The following CD163L1 variants were observed in gnomAD, a reference collection of about 807,000 sequenced individuals.
The protein encoded by CD163L1 is scavenger receptor cysteine-rich type 1 protein M160.
CD163L1 carries 124 observed loss-of-function variants against 165.4 expected under a neutral mutation model. That is an observed-to-expected ratio of 0.75 (90% CI 0.65 to 0.87). The LOEUF (loss-of-function observed/expected upper bound fraction) is 0.87, where lower values mean the gene tolerates loss of function less well. CD163L1 is among the 40% of genes least tolerant of loss of function. The probability of loss-of-function intolerance (pLI) is 0.00; values close to 1 mark genes in which losing one functional copy is unlikely to be tolerated. For missense variants in CD163L1, 1,525 were observed against 1,799.9 expected (o/e 0.85, Z 2.76); for synonymous variants, 585 against 662.2 (o/e 0.88, Z 1.79).
intron 2 of CD163L1, 137 bp downstream of exon 2, chr12:7,441,017 A>C: frequency 5.0e-6 from 3 of 595,604 alleles, no homozygotes; most frequent in Non-Finnish European, 6.0e-6. Flanking sequence ...ACCTTTATTT[A>C]CAGGGTATAG....
At chr12:7,351,781 T>A (rs7350585), downstream of CD163L1, among the ~76,000 whole-genome samples, 63,582 of 151,858 alleles carry the variant, frequency 0.42, 14,582 homozygotes, top group Non-Finnish European at 0.52. Context: ...GAAGAGAAAG[T>A]ACAAGGTAAG....
At chr12:7,370,816 T>A (rs906807662) in intron 14 of CD163L1, among the ~76,000 whole-genome samples, 1 of 152,206 alleles carries the variant, frequency 6.6e-6, no homozygotes, top group Non-Finnish European at 1.5e-5. Flanking sequence ...TTCTACCTCC[T>A]ACCAATACAG....
At chr12:7,406,488 A>C (rs755690544) in intron 5 of CD163L1, 44 bp downstream of exon 5, 1 of 1,584,442 alleles carries the variant, frequency 6.3e-7, no homozygotes, top group Non-Finnish European at 8.5e-7. Context: ...AGTTCTCCAA[A>C]AAAGAAATTT....
At chr12:7,404,116 G>A (rs887211968) in intron 5 of CD163L1, among the ~76,000 whole-genome samples, 2 of 152,126 alleles carry the variant, frequency 1.3e-5, no homozygotes, top group Middle Eastern at 3.4e-3. Flanking sequence ...TATGAAAATT[G>A]AAATTATAAT....
At chr12:7,411,414 G>GGGGCCTGTGGGAGGTGTTTT (rs1260407775) in intron 4 of CD163L1, among the ~76,000 whole-genome samples, 83 of 152,272 alleles carry the variant, frequency 5.5e-4, no homozygotes, top group Non-Finnish European at 1.2e-4. Context: ...TATTCAAGGT[G>GGGGCCTGTGGGAGGTGTTTT]GGGCCTGTGG....
intron 1 of CD163L1, 30 bp downstream of exon 1, chr12:7,444,067 T>C (rs1301743443): frequency 6.2e-7 from 1 of 1,611,640 alleles, no homozygotes; most frequent in East Asian, 2.2e-5. Context: ...ATCTCCCAAA[T>C]GGCAGAGCAA....
intron 18 of CD163L1, among the ~76,000 whole-genome samples, chr12:7,362,210 C>G (rs970498214): frequency 1.5e-5 from 2 of 131,174 alleles, no homozygotes; most frequent in African/African-American, 6.0e-5. Context: ...TATAATATAT[C>G]ATATGTATTA....
intron 5 of CD163L1, among the ~76,000 whole-genome samples, chr12:7,405,590 G>A (rs1180686488): frequency 3.3e-5 from 5 of 152,030 alleles, no homozygotes; most frequent in African/African-American, 7.2e-5. Flanking sequence ...AAACCTCTTC[G>A]TCTACATATG....
At chr12:7,354,754 T>C (rs2136368247), downstream of CD163L1, among the ~76,000 whole-genome samples, 1 of 152,272 alleles carries the variant, frequency 6.6e-6, no homozygotes, top group East Asian at 1.9e-4. Flanking sequence ...GACTTCCCAC[T>C]GTACACTCAC....
chr12:7,338,051 G>T, the CD163L1 span, among the ~76,000 whole-genome samples: 2 of 152,190 alleles, frequency 1.3e-5, no homozygotes, highest in East Asian at 1.9e-4. Flanking sequence ...CATTCTCAGC[G>T]AACTAACACA....
chr12:7,420,994 T>TACATATATATATATACGTGTATATATAC (rs1948337719), intron 4 of CD163L1, among the ~76,000 whole-genome samples: 1 of 133,790 alleles, frequency 7.5e-6, no homozygotes, highest in African/African-American at 3.0e-5. Context: ...GGTATATATA[T>TACATATATATATATACGTGTATATATAC]ACATATATAT....
chr12:7,367,822 C>T (rs192652387), intron 17 of CD163L1, among the ~76,000 whole-genome samples: 20 of 152,328 alleles, frequency 1.3e-4, no homozygotes, highest in African/African-American at 4.8e-4. Context: ...AATTACCTTC[C>T]TTCTATCAGC....
intron 4 of CD163L1, among the ~76,000 whole-genome samples, chr12:7,419,777 T>A (rs1184337984): frequency 6.6e-6 from 1 of 151,430 alleles, no homozygotes; most frequent in African/African-American, 2.4e-5. Flanking sequence ...AAAAAATTTA[T>A]TATACTGCCA....
the CD163L1 span, among the ~76,000 whole-genome samples, chr12:7,340,932 T>C: frequency 7.9e-5 from 12 of 152,204 alleles, no homozygotes; most frequent in Non-Finnish European, 1.8e-4. Flanking sequence ...CATTCACTGA[T>C]GCATACAAAT....
chr12:7,367,413 C>A, intron 17 of CD163L1, 82 bp from the exon 18 acceptor site: 1 of 820,632 alleles, frequency 1.2e-6, no homozygotes, highest in Non-Finnish European at 2.0e-6. Context: ...TAAGGTTTGA[C>A]ACATATTAAT....
chr12:7,342,460 TA>T (rs1352355203), downstream of CD163L1, among the ~76,000 whole-genome samples: 10 of 152,354 alleles, frequency 6.6e-5, no homozygotes, highest in African/African-American at 2.4e-4. Context: ...TTGCTGTTAA[TA>T]AATACGTGGG....
At chr12:7,335,387 G>A in the CD163L1 span, among the ~76,000 whole-genome samples, 1 of 152,146 alleles carries the variant, frequency 6.6e-6, no homozygotes, top group Non-Finnish European at 1.5e-5. Flanking sequence ...AACAAGCAAT[G>A]GGGAAAGGAT....
chr12:7,440,504 T>C (rs1948815882), intron 2 of CD163L1, among the ~76,000 whole-genome samples: 2 of 151,984 alleles, frequency 1.3e-5, no homozygotes, highest in Admixed American at 1.3e-4. Flanking sequence ...TTTTTAATTG[T>C]ATTTAATTCT....
chr12:7,331,726 A>T, the CD163L1 span, among the ~76,000 whole-genome samples: 1 of 152,220 alleles, frequency 6.6e-6, no homozygotes, highest in African/African-American at 2.4e-5. Context: ...GAGGGTCCTG[A>T]CTGTTAGAAG....
Sources: allele counts gnomAD v4.1 joint callset (sites outside exome capture counted in the v4.1 genomes callset), GRCh38; gene constraint gnomAD v4.1.1; transcripts MANE v1.5; gene names NCBI Gene and HGNC (gene_info 2026-07-23, HGNC 2026-07-21).